The following LIFR variants were observed in gnomAD, a reference collection of about 807,000 sequenced individuals.
LIFR encodes the protein leukemia inhibitory factor receptor.
A neutral mutation model predicts 122.2 loss-of-function variants in LIFR; 84 were observed. That is an observed-to-expected ratio of 0.69 (90% CI 0.58 to 0.82). LIFR has a LOEUF of 0.82. Ranked by LOEUF, LIFR falls within the 40% of genes least tolerant of loss-of-function variation. The pLI is 0.00. For synonymous variants in LIFR, 422 were observed against 434.7 expected (o/e 0.97, Z 0.36); for missense variants, 1,294 against 1,311.6 (o/e 0.99, Z 0.21).
chr5:38,595,864 C>G (rs1750083256), upstream of LIFR, among the ~76,000 whole-genome samples: 1 of 47,174 alleles, frequency 2.1e-5, no homozygotes, highest in Non-Finnish European at 4.1e-5. Flanking sequence ...TCCCGAGTAG[C>G]TGGGACTACA....
chr5:38,519,102 A>G (rs1746264256), intron 5 of LIFR, among the ~76,000 whole-genome samples: 1 of 152,248 alleles, frequency 6.6e-6, no homozygotes, highest in Non-Finnish European at 1.5e-5. Context: ...TTTAAAAATT[A>G]AAAGTTCTGA....
At chr5:38,489,009 C>T in intron 16 of LIFR, 69 bp downstream of exon 16, 3 of 1,364,160 alleles carry the variant, frequency 2.2e-6, no homozygotes, top group Admixed American at 1.7e-5. Flanking sequence ...CAGGACTTTC[C>T]TTTTTTTTCT....
At chr5:38,571,529 C>CAA (rs11297745) in intron 1 of LIFR, among the ~76,000 whole-genome samples, 1,261 of 74,446 alleles carry the variant, frequency 0.017, 32 homozygotes, top group African/African-American at 0.043. Context: ...CATTCCAGCT[C>CAA]AAAAAAAAAA....
At chr5:38,497,836 C>T (rs1744967419) in intron 12 of LIFR, among the ~76,000 whole-genome samples, 2 of 152,078 alleles carry the variant, frequency 1.3e-5, no homozygotes, top group Admixed American at 1.3e-4. Flanking sequence ...TCTTATGTAG[C>T]ATTTTTACCA....
intron 1 of LIFR, among the ~76,000 whole-genome samples, chr5:38,536,456 A>C (rs1310460451): frequency 6.6e-6 from 1 of 152,258 alleles, no homozygotes; most frequent in Non-Finnish European, 1.5e-5. Context: ...TGAGAGGATA[A>C]GCACAGGTTA....
intron 1 of LIFR, among the ~76,000 whole-genome samples, chr5:38,571,562 CCTT>C (rs997520371): frequency 9.3e-5 from 14 of 149,946 alleles, no homozygotes; most frequent in African/African-American, 3.2e-4. Flanking sequence ...GCACTAGCCT[CCTT>C]CTCCTCCTCT....
rs142495539 is a variant in LIFR, at chr5:38,478,432, A to T, written c.*3163T>A. 6.6e-4 allele frequency: 141 copies of T among 212,116 alleles called. 1 individual carries two copies. The highest frequency in any genetic ancestry group is 2.6e-4 in the Non-Finnish European group (27 of 104,298). 13.1% of individuals were successfully genotyped at this position (212,116 alleles called of 1,614,324 possible). A position where few individuals can be genotyped will look rare whatever the true frequency, so the allele number is the denominator to read the frequency against. ...AAGCACCTCTATCATATAAGCACAT[A>T]AACACACAACTCAACTATCCAGATA... On this transcript the variant is annotated 3_prime_UTR_variant, in exon 20 of 20. Transcript: ENST00000453190.
chr5:38,534,165 C>T (rs866018199), intron 1 of LIFR, among the ~76,000 whole-genome samples: 7 of 152,110 alleles, frequency 4.6e-5, no homozygotes, highest in Non-Finnish European at 7.4e-5. Context: ...TAGGAGGAAA[C>T]ATCAACATTG....
At chr5:38,552,237 C>T (rs922168979) in intron 1 of LIFR, among the ~76,000 whole-genome samples, 1 of 152,154 alleles carries the variant, frequency 6.6e-6, no homozygotes, top group South Asian at 2.1e-4. Context: ...TGGAAGATCA[C>T]AACACTTCTA....
At chr5:38,505,685 A>G (rs1745435314) in intron 9 of LIFR, among the ~76,000 whole-genome samples, 3 of 152,212 alleles carry the variant, frequency 2.0e-5, no homozygotes, top group Admixed American at 2.0e-4. Flanking sequence ...ATCAAAAATT[A>G]TCAGAAAGAG....
intron 1 of LIFR, among the ~76,000 whole-genome samples, chr5:38,536,532 T>A (rs1454099544): frequency 2.0e-5 from 3 of 152,228 alleles, no homozygotes; most frequent in African/African-American, 7.2e-5. Flanking sequence ...TCTGTGAAGG[T>A]CTTGGAACGT....
Position 38,510,731 on chromosome 5 carries a change from A to G in LIFR, c.737-13T>C, listed in dbSNP as rs1210837523. The G allele has an allele frequency of 6.2e-7, 1 of 1,601,302 alleles. No individual in the cohort carries two copies. The highest frequency in any genetic ancestry group is 8.5e-7 in the Non-Finnish European group (1 of 1,169,744). ...GAATCAGGTATCCCTAGAAAGAAAA[A>G]GAGGAATTATAAACATTTTATATAG... On this transcript the variant is annotated splice_polypyrimidine_tract_variant and intron_variant, in intron 6 of 19. Coordinates refer to ENST00000453190, the MANE Select transcript of LIFR (RefSeq NM_001127671.2).
chr5:38,555,574 A>T (rs2112670558), intron 1 of LIFR, among the ~76,000 whole-genome samples: 1 of 152,362 alleles, frequency 6.6e-6, no homozygotes, highest in South Asian at 2.1e-4. Flanking sequence ...AAGAAATGCA[A>T]AGAACCGATT....
At chr5:38,587,280 G>A (rs1467694839) in intron 1 of LIFR, among the ~76,000 whole-genome samples, 6 of 152,116 alleles carry the variant, frequency 3.9e-5, no homozygotes, top group Non-Finnish European at 8.8e-5. Flanking sequence ...TATACCAGGG[G>A]TCCTAACCTA....
chr5:38,516,897 G>A (rs868369234), intron 5 of LIFR, among the ~76,000 whole-genome samples: 1 of 152,174 alleles, frequency 6.6e-6, no homozygotes, highest in Non-Finnish European at 1.5e-5. Context: ...ATGAGTTCAT[G>A]TCCTTTGCAG....
chr5:38,502,616 T>C, intron 11 of LIFR, 21 bp downstream of exon 11: 1 of 1,579,738 alleles, frequency 6.3e-7, no homozygotes, highest in Non-Finnish European at 8.7e-7. Flanking sequence ...TTATTAGCCA[T>C]ACATCACTTA....
At chr5:38,596,445 A>G (rs983680002), upstream of LIFR, among the ~76,000 whole-genome samples, 1 of 152,192 alleles carries the variant, frequency 6.6e-6, no homozygotes, top group Non-Finnish European at 1.5e-5. Flanking sequence ...GTGAGCTTAC[A>G]GGTGCCTGGG....
At chr5:38,514,945 G>A (rs1745995586) in intron 5 of LIFR, among the ~76,000 whole-genome samples, 1 of 152,264 alleles carries the variant, frequency 6.6e-6, no homozygotes, top group South Asian at 2.1e-4. Flanking sequence ...GGTCCTGGAA[G>A]CAATCCCCCA....
At chr5:38,549,574 C>G (rs898370396) in intron 1 of LIFR, among the ~76,000 whole-genome samples, 2 of 152,132 alleles carry the variant, frequency 1.3e-5, no homozygotes, top group African/African-American at 4.8e-5. Context: ...AGGCGGATCA[C>G]GAGGTCAGGA....
Sources: allele counts gnomAD v4.1 joint callset (sites outside exome capture counted in the v4.1 genomes callset), GRCh38; gene constraint gnomAD v4.1.1; transcripts MANE v1.5; gene names NCBI Gene and HGNC (gene_info 2026-07-23, HGNC 2026-07-21).